Variants in SARNP observed in about 807,000 individuals in gnomAD.
SARNP encodes SAP domain-containing ribonucleoprotein.
Under a neutral mutation model 38.1 loss-of-function variants are expected in SARNP, and 5 were observed. That is an observed-to-expected ratio of 0.13 (90% CI 0.07 to 0.28). The LOEUF (loss-of-function observed/expected upper bound fraction) is 0.28, where lower values mean the gene tolerates loss of function less well. SARNP is among the 10% of genes least tolerant of loss of function. SARNP has a pLI of 1.00. For synonymous variants in SARNP, 84 were observed against 80.6 expected, an observed-to-expected ratio of 1.04 and a Z score of -0.23; for missense variants, 180 against 243.9, an observed-to-expected ratio of 0.74 and a Z score of 1.75.
intron 9 of SARNP, among the ~76,000 whole-genome samples, chr12:55,779,410 T>C (rs561870992): frequency 6.6e-6 from 1 of 152,344 alleles, no homozygotes; most frequent in Non-Finnish European, 1.5e-5. Context: ...AATTAAATTT[T>C]ACACTAAGCC....
At position 55,791,921 on chromosome 12, in the gene SARNP, T is replaced by A. The variant is rs1282479041; in HGVS notation, c.407-1329A>T. Among the ~76,000 whole-genome samples, 3 of 152,314 alleles carry A rather than the reference T, an allele frequency of 2.0e-5. No individual in the cohort carries two copies. The East Asian group carries it at 5.8e-4, about 29-fold the overall frequency. Reference sequence around the variant, plus strand: ...TCAGAATTATGAGTAACACTGAAACTGTATTTTTTATCAGGTTCCCTTTTC... The same window carrying A: ...TCAGAATTATGAGTAACACTGAAACAGTATTTTTTATCAGGTTCCCTTTTC... On this transcript the variant is annotated intron_variant, in intron 7 of 10. Transcript: ENST00000336133.
chr12:55,796,186 T>C (rs1460991201), intron 4 of SARNP, 110 bp from the exon 5 acceptor site: 1 of 729,830 alleles, frequency 1.4e-6, no homozygotes, highest in South Asian at 1.7e-5. Context: ...ATTATCTCTC[T>C]GCCACCCCCT....
downstream of SARNP, chr12:55,754,831 T>TC (rs1469073323): frequency 1.3e-5 from 2 of 152,156 alleles, no homozygotes; most frequent in African/African-American, 2.4e-5. Flanking sequence ...CTGCGCAGGG[T>TC]CTCAGAGCTA....
chr12:55,800,801 T>C, intron 3 of SARNP, 53 bp downstream of exon 3: 1 of 1,488,892 alleles, frequency 6.7e-7, no homozygotes, highest in Non-Finnish European at 9.4e-7. Context: ...TAAAGCAATG[T>C]GGCCAAAGCA....
At chr12:55,760,404 C>G in intron 10 of SARNP, 147 bp downstream of exon 10, 1 of 591,628 alleles carries the variant, frequency 1.7e-6, no homozygotes, top group East Asian at 2.8e-5. Flanking sequence ...TATTCACTCT[C>G]ACTTCCTGGG....
At chr12:55,798,312 AC>A (rs1879877309) in intron 4 of SARNP, among the ~76,000 whole-genome samples, 1 of 152,124 alleles carries the variant, frequency 6.6e-6, no homozygotes, top group South Asian at 2.1e-4. Context: ...AGCCTGGCAA[AC>A]ACGGCGAAAC....
chr12:55,764,133 G>C (rs1878756298), intron 9 of SARNP, among the ~76,000 whole-genome samples: 2 of 152,130 alleles, frequency 1.3e-5, no homozygotes, highest in Non-Finnish European at 2.9e-5. Flanking sequence ...CAGTATCTAG[G>C]AAAAGGGCTC....
At chr12:55,752,907 G>A (rs1299013294), downstream of SARNP, 2 of 152,186 alleles carry the variant, frequency 1.3e-5, no homozygotes, top group Non-Finnish European at 1.5e-5. Context: ...CCCTAATCAA[G>A]TGCCACATTT....
chr12:55,809,786 T>C (rs1880271634), intron 1 of SARNP, among the ~76,000 whole-genome samples: 1 of 151,442 alleles, frequency 6.6e-6, no homozygotes, highest in East Asian at 1.9e-4. Flanking sequence ...GAACATTCTA[T>C]AAGGATACTA....
chr12:55,794,435 T>C (rs770682776), intron 6 of SARNP, 48 bp from the exon 7 acceptor site: 6 of 1,545,666 alleles, frequency 3.9e-6, no homozygotes, highest in Non-Finnish European at 5.3e-6. Flanking sequence ...TTCACACTCC[T>C]GGTTTGTCTG....
chr12:55,791,680 G>A (rs1453053553), intron 7 of SARNP, among the ~76,000 whole-genome samples: 1 of 151,728 alleles, frequency 6.6e-6, no homozygotes, highest in Non-Finnish European at 1.5e-5. Flanking sequence ...GGGCGACAGA[G>A]CAAGACTCCA....
chr12:55,798,448 A>T (rs1305369175), intron 4 of SARNP, among the ~76,000 whole-genome samples: 1 of 152,216 alleles, frequency 6.6e-6, no homozygotes, highest in Non-Finnish European at 1.5e-5. Context: ...CAGTGAGCCA[A>T]GATTGTGCCA....
At chr12:55,783,102 C>T (rs1318778808) in intron 9 of SARNP, among the ~76,000 whole-genome samples, 3 of 151,756 alleles carry the variant, frequency 2.0e-5, no homozygotes, top group African/African-American at 7.3e-5. Context: ...AGAGTTAGAC[C>T]CTGTCTTAAA....
At chr12:55,814,818 G>A (rs187911063) in intron 1 of SARNP, among the ~76,000 whole-genome samples, 4 of 151,184 alleles carry the variant, frequency 2.6e-5, no homozygotes, top group African/African-American at 7.3e-5. Flanking sequence ...GCAGCGAGCC[G>A]AGATCTTGCC....
chr12:55,816,962 GGT>G (rs1454072490), intron 1 of SARNP, among the ~76,000 whole-genome samples: 2 of 152,122 alleles, frequency 1.3e-5, no homozygotes, highest in East Asian at 3.9e-4. Context: ...AAATATTGCA[GGT>G]GTGAGTTCTC....
Position 55,757,551 on chromosome 12 carries a change from T to C in SARNP, c.594A>G (p.Ala198=), listed in dbSNP as rs201352071. ...AGTGTTEDTE[A]KKRKRAERFG... is the part of the protein sequence containing the mutation. ...AGCGCTCTGCTCTTTTCCTCTTCTT[T>C]GCCTGTAAAGAAGAAGCAAGAAGAA... The change falls in exon 11 of 11, where the codon GCA becomes GCG. Residue 198 remains alanine (A), a splice_region_variant and synonymous_variant. Coordinates refer to ENST00000336133, the MANE Select transcript of SARNP (RefSeq NM_033082.4). 4.8e-5 allele frequency: 78 copies of C among 1,609,084 alleles called. 1 individual carries two copies. The highest frequency in any genetic ancestry group is 4.8e-5 in the Non-Finnish European group (57 of 1,178,732).
At chr12:55,760,822 A>C (rs1324149847) in intron 9 of SARNP, 182 bp from the exon 10 acceptor site, 1 of 531,706 alleles carries the variant, frequency 1.9e-6, no homozygotes, top group Non-Finnish European at 3.3e-6. Flanking sequence ...TGTTGTACCT[A>C]GAATGACTAA....
intron 9 of SARNP, chr12:55,762,631 C>T (rs1241883740): frequency 6.6e-6 from 1 of 152,228 alleles, no homozygotes; most frequent in East Asian, 1.9e-4. Context: ...GTTTTTAAAT[C>T]CCAAGGAAAT....
At chr12:55,804,034 A>T (rs1023238707) in intron 1 of SARNP, among the ~76,000 whole-genome samples, 1 of 152,142 alleles carries the variant, frequency 6.6e-6, no homozygotes, top group Non-Finnish European at 1.5e-5. Flanking sequence ...CTGAGGGGGG[A>T]AAAAGGTTTT....
Sources: allele counts gnomAD v4.1 joint callset (sites outside exome capture counted in the v4.1 genomes callset), GRCh38; gene constraint gnomAD v4.1.1; transcripts MANE v1.5; gene names NCBI Gene and HGNC (gene_info 2026-07-23, HGNC 2026-07-21).